The following HDAC9 variants were observed in gnomAD, a reference collection of about 807,000 sequenced individuals.
HDAC9 encodes histone deacetylase 9.
Under a neutral mutation model 139.4 loss-of-function variants are expected in HDAC9, and 41 were observed. The observed-to-expected ratio is 0.29, with a 90% CI of 0.23 to 0.38. HDAC9 has a LOEUF of 0.38. Among genes scored for constraint, HDAC9 ranks in the 10% least tolerant of loss-of-function variants. The pLI, the probability that HDAC9 is intolerant of heterozygous loss-of-function variation, is 1.00. For missense variants in HDAC9, 1,147 were observed against 1,297.0 expected (o/e 0.88, Z 1.78); for synonymous variants, 517 against 476.2 (o/e 1.09, Z -1.12).
intron 24 of HDAC9, among the ~76,000 whole-genome samples, chr7:18,970,720 A>G (rs1256896229): frequency 6.6e-6 from 1 of 152,224 alleles, no homozygotes; most frequent in Non-Finnish European, 1.5e-5. Flanking sequence ...TGAAGGAGAT[A>G]GCAAGAGGTT....
intron 12 of HDAC9, among the ~76,000 whole-genome samples, chr7:18,676,760 CTT>C (rs1451044246): frequency 2.0e-5 from 3 of 151,422 alleles, no homozygotes; most frequent in Non-Finnish European, 1.5e-5. Flanking sequence ...TATTTTATGT[CTT>C]TATATGTTTA....
chr7:18,782,707 T>TTG (rs1554353695), intron 16 of HDAC9, among the ~76,000 whole-genome samples: 1 of 151,610 alleles, frequency 6.6e-6, no homozygotes, highest in Admixed American at 6.6e-5. Context: ...GCGGGGATTT[T>TTG]TTTTTCTTAG....
At chr7:18,648,028 A>T (rs1241340133) in intron 10 of HDAC9, 30 bp downstream of exon 10, 7 of 1,513,160 alleles carry the variant, frequency 4.6e-6, no homozygotes, top group Non-Finnish European at 6.3e-6. Context: ...TTTGCAGGTC[A>T]TTTTAGGGTT....
chr7:18,316,540 A>G (rs1232854719), intron 1 of HDAC9, among the ~76,000 whole-genome samples: 1 of 151,454 alleles, frequency 6.6e-6, no homozygotes, highest in Non-Finnish European at 1.5e-5. Context: ...GCTCATACCC[A>G]TAATCTCCGT....
rs115284261 is a variant in HDAC9, at chr7:18,256,180, T to G, written c.25+93831T>G. Among the ~76,000 whole-genome samples the G allele has an allele frequency of 2.9e-3, 441 of 152,268 alleles. 2 individuals are homozygous for G. The highest frequency in any genetic ancestry group is 9.8e-3 in the African/African-American group (408 of 41,546). ...GAGATTATTATACAATGCCCCGTATTTTAGGGTTCCTACAAAAGATAGTAA... is the reference window on the plus strand; with the variant it reads ...GAGATTATTATACAATGCCCCGTATGTTAGGGTTCCTACAAAAGATAGTAA... On this transcript the variant is annotated intron_variant, in intron 2 of 12. Coordinates refer to the HDAC9 transcript ENST00000417496.
intron 16 of HDAC9, among the ~76,000 whole-genome samples, chr7:18,774,314 C>A (rs997973451): frequency 6.6e-6 from 1 of 151,906 alleles, no homozygotes; most frequent in Non-Finnish European, 1.5e-5. Context: ...CTCCTGAAAT[C>A]ATTTGGTGAA....
chr7:18,486,898 G>A (rs904954607), intron 1 of HDAC9, among the ~76,000 whole-genome samples: 2 of 152,184 alleles, frequency 1.3e-5, no homozygotes, highest in African/African-American at 4.8e-5. Flanking sequence ...GAAGTGTTTA[G>A]TTATCAAATG....
At chr7:18,275,354 C>G (rs1238718202) in intron 2 of HDAC9, among the ~76,000 whole-genome samples, 3 of 152,152 alleles carry the variant, frequency 2.0e-5, no homozygotes, top group South Asian at 4.1e-4. Flanking sequence ...CCTAATTGGC[C>G]TCTCAGCTTT....
chr7:18,493,810 T>C (rs1484332361), upstream of HDAC9, among the ~76,000 whole-genome samples: 3 of 151,940 alleles, frequency 2.0e-5, no homozygotes, highest in African/African-American at 7.2e-5. Flanking sequence ...AAAAGAAATC[T>C]CAAATCTCCA....
intron 2 of HDAC9, among the ~76,000 whole-genome samples, chr7:18,528,366 A>ATT (rs1807645950): frequency 1.3e-5 from 2 of 152,056 alleles, no homozygotes; most frequent in African/African-American, 4.8e-5. Flanking sequence ...AACAAATAAC[A>ATT]TTTTATATAA....
chr7:18,656,555 A>G (rs557749178), intron 11 of HDAC9, among the ~76,000 whole-genome samples: 8 of 152,248 alleles, frequency 5.3e-5, no homozygotes, highest in East Asian at 1.9e-4. Context: ...TTGTTTTGCA[A>G]TATTGGTCAA....
chr7:18,990,850 C>T lies in HDAC9; in HGVS notation c.3171-5173C>T, dbSNP rs13241874. On this transcript the variant is annotated intron_variant, in intron 25 of 25. Transcript: ENST00000686413. ...TCACCCCTTTGACTAGGAAAGAGAA[C>T]TCCCTGGCCCCTTGTGCTTCCCAAG... Among the ~76,000 whole-genome samples the T allele has an allele frequency of 2.3e-3, 349 of 152,366 alleles. 3 individuals are homozygous for T. Among genetic ancestry groups the T allele is most frequent in the Non-Finnish European group, 4.1e-3 (277 of 68,042 alleles).
At chr7:18,521,557 T>A (rs1805044613) in intron 2 of HDAC9, among the ~76,000 whole-genome samples, 1 of 152,156 alleles carries the variant, frequency 6.6e-6, no homozygotes, top group African/African-American at 2.4e-5. Flanking sequence ...TTGCTATCTA[T>A]TTTTTCACCA....
In HDAC9 at chr7:18,648,010, T is replaced by C. The variant is rs143990484; in HGVS notation, c.1249+12T>C. On this transcript the variant is annotated intron_variant, in intron 10 of 25. Coordinates refer to ENST00000686413, the MANE Select transcript of HDAC9 (RefSeq NM_178425.4). ...GCTTCTTGTAGCTGGTAATTCATTA[T>C]GGCACCATTTGCAGGTCATTTTAGG... 5 of 1,580,428 alleles carry C rather than the reference T, an allele frequency of 3.2e-6. No homozygotes were observed. In the East Asian group the frequency reaches 1.1e-4, roughly 36 times the overall value.
intron 1 of HDAC9, among the ~76,000 whole-genome samples, chr7:18,307,124 TGTGTGTGTGTGTGTG>T (rs1798971912): frequency 6.6e-6 from 1 of 151,492 alleles, no homozygotes; most frequent in African/African-American, 2.4e-5. Context: ...TGTGTGTGTG[TGTGTGTGTGTGTGTG>T]TGTGTTTGTA....
At chr7:18,780,016 C>A (rs1791106419) in intron 16 of HDAC9, among the ~76,000 whole-genome samples, 1 of 152,042 alleles carries the variant, frequency 6.6e-6, no homozygotes, top group Non-Finnish European at 1.5e-5. Flanking sequence ...GTTGTCACTG[C>A]TCCAAAAGCG....
intron 13 of HDAC9, among the ~76,000 whole-genome samples, chr7:18,738,207 T>C (rs1039729161): frequency 8.5e-5 from 13 of 152,224 alleles, no homozygotes; most frequent in Admixed American, 3.3e-4. Flanking sequence ...TCTTGACTCA[T>C]TGTCCAATTT....
intron 1 of HDAC9, among the ~76,000 whole-genome samples, chr7:18,359,908 C>T (rs539824778): frequency 6.6e-6 from 1 of 152,306 alleles, no homozygotes; most frequent in East Asian, 1.9e-4. Context: ...CGTGCCTGGC[C>T]ACTTCGGTGA....
At chr7:18,545,108 C>A (rs1164309374) in intron 2 of HDAC9, among the ~76,000 whole-genome samples, 3 of 152,158 alleles carry the variant, frequency 2.0e-5, no homozygotes, top group African/African-American at 7.2e-5. Context: ...GTTGAGAAAT[C>A]CTGCACTAAA....
Sources: gnomAD v4.1 joint callset for allele counts (sites outside exome capture counted in the v4.1 genomes callset) on GRCh38, gnomAD v4.1.1 for gene constraint, MANE v1.5 for transcripts, NCBI Gene and HGNC (gene_info 2026-07-23, HGNC 2026-07-21) for gene names.